Variants in PRH1 observed in about 807,000 individuals in gnomAD.
The protein encoded by PRH1 is proline rich protein HaeIII subfamily 1.
Under a neutral mutation model 7.9 loss-of-function variants are expected in PRH1, and 7 were observed. The observed-to-expected ratio is 0.89, with a 90% CI of 0.50 to 1.67. The LOEUF is 1.67. Ranked by LOEUF, PRH1 falls within the 40% of genes most tolerant of loss-of-function variation. PRH1 has a pLI of 0.00. For synonymous variants in PRH1, 45 were observed against 80.8 expected, an observed-to-expected ratio of 0.56 and a Z score of 2.38; for missense variants, 109 against 223.6, an observed-to-expected ratio of 0.49 and a Z score of 3.27.
chr12:11,013,780 A>G (rs1941164735), intron 1 of PRH1, among the ~76,000 whole-genome samples: 1 of 152,236 alleles, frequency 6.6e-6, no homozygotes, highest in South Asian at 2.1e-4. Context: ...CCTAAACTGG[A>G]GTGCAGTGGT....
intron 1 of PRH1, 120 bp downstream of exon 1, chr12:10,884,034 G>C: frequency 8.5e-7 from 1 of 1,178,098 alleles, no homozygotes; most frequent in Non-Finnish European, 1.2e-6. Context: ...TCCTCAGCAT[G>C]AGAACTCTGC....
At chr12:11,112,617 A>T (rs995572519) in intron 1 of PRH1, among the ~76,000 whole-genome samples, 3 of 152,216 alleles carry the variant, frequency 2.0e-5, no homozygotes, top group African/African-American at 7.2e-5. Context: ...TTCATGCTAA[A>T]AACACTCAAG....
intron 1 of PRH1, among the ~76,000 whole-genome samples, chr12:11,114,974 T>A (rs1251762670): frequency 2.0e-5 from 3 of 151,722 alleles, no homozygotes; most frequent in African/African-American, 7.3e-5. Context: ...AATAGGAAGG[T>A]AGGAAAGAAA....
intron 1 of PRH1, among the ~76,000 whole-genome samples, chr12:11,028,692 A>T (rs972587577): frequency 2.6e-5 from 4 of 152,132 alleles, no homozygotes; most frequent in African/African-American, 9.7e-5. Flanking sequence ...AAATAGACCA[A>T]AGTTGTTTAT....
intron 1 of PRH1, among the ~76,000 whole-genome samples, chr12:11,124,251 T>C (rs1463285765): frequency 6.6e-6 from 1 of 152,288 alleles, no homozygotes; most frequent in African/African-American, 2.4e-5. Flanking sequence ...TATGTCATTG[T>C]ATTCCATGAA....
At chr12:11,058,443 G>A (rs1943453219) in intron 1 of PRH1, among the ~76,000 whole-genome samples, 2 of 152,272 alleles carry the variant, frequency 1.3e-5, no homozygotes, top group South Asian at 4.1e-4. Context: ...TAAACGGCAT[G>A]TTGCTCTCTC....
rs138123076 is a variant in PRH1, at chr12:10,969,486, T to A, written c.-59+4169A>T. The stretch of plus-strand genomic sequence containing the variant: ...TTCTGTCTAGAATTTCCCAGCCTCC[T>A]GCTCCTATCACCTTCACATAGTATT... On this transcript the variant is annotated intron_variant, in intron 2 of 3. Coordinates refer to the PRH1 transcript ENST00000539853. 4.6e-3 allele frequency among the ~76,000 whole-genome samples: 703 copies of A among 152,316 alleles called. 5 individuals carry two copies. The highest frequency in any genetic ancestry group is 0.016 in the African/African-American group (678 of 41,580).
intron 2 of PRH1, among the ~76,000 whole-genome samples, chr12:10,936,531 C>CA (rs1199128784): frequency 6.6e-6 from 1 of 152,068 alleles, no homozygotes; most frequent in African/African-American, 2.4e-5. Context: ...ATAGTACCCC[C>CA]AAAACTTTCC....
intron 1 of PRH1, among the ~76,000 whole-genome samples, chr12:10,977,287 T>C (rs778689347): frequency 1.3e-5 from 2 of 152,150 alleles, no homozygotes; most frequent in Non-Finnish European, 2.9e-5. Flanking sequence ...GTGTGCTTCA[T>C]CACATAAGCA....
intron 1 of PRH1, among the ~76,000 whole-genome samples, chr12:10,989,410 C>A (rs961728194): frequency 6.6e-6 from 1 of 152,028 alleles, no homozygotes; most frequent in East Asian, 1.9e-4. Context: ...TCTAGTATGA[C>A]CATTCTTTCA....
chr12:10,973,590 C>A, intron 2 of PRH1: 1 of 742,688 alleles, frequency 1.3e-6, no homozygotes, highest in South Asian at 1.4e-5. Flanking sequence ...CTGTCTGATA[C>A]AGGCAGAAAC....
chr12:11,076,426 T>G (rs139689102), intron 1 of PRH1, among the ~76,000 whole-genome samples: 2,189 of 59,548 alleles, frequency 0.037, 12 homozygotes, highest in South Asian at 0.061. Flanking sequence ...TCTTTGGGAC[T>G]TTTTTTAAGA....
intron 1 of PRH1, chr12:11,061,307 T>C (rs546616630): frequency 6.5e-7 from 1 of 1,538,888 alleles, no homozygotes; most frequent in Non-Finnish European, 8.7e-7. Context: ...AAATATAAAA[T>C]GCTTCATATA....
chr12:11,038,220 G>A (rs1286360981), intron 1 of PRH1, among the ~76,000 whole-genome samples: 10 of 152,016 alleles, frequency 6.6e-5, no homozygotes, highest in Non-Finnish European at 1.5e-4. Context: ...ATTTTTTATT[G>A]TGGAGCATAA....
chr12:11,167,544 A>G (rs1947618248), intron 1 of PRH1, among the ~76,000 whole-genome samples: 1 of 150,644 alleles, frequency 6.6e-6, no homozygotes, highest in African/African-American at 2.4e-5. Flanking sequence ...TCCTGGGTTC[A>G]CACCATTCTC....
chr12:11,052,540 A>G (rs1394373195), intron 1 of PRH1, among the ~76,000 whole-genome samples: 1 of 152,116 alleles, frequency 6.6e-6, no homozygotes, highest in African/African-American at 2.4e-5. Flanking sequence ...ATATGCTGGG[A>G]TACATTTTCA....
chr12:11,140,590 A>G (rs1285998897), intron 1 of PRH1, among the ~76,000 whole-genome samples: 1 of 152,198 alleles, frequency 6.6e-6, no homozygotes, highest in African/African-American at 2.4e-5. Context: ...GGAAAACATG[A>G]TAATTTCCAA....
intron 1 of PRH1, among the ~76,000 whole-genome samples, chr12:11,164,602 T>C (rs1240758638): frequency 6.6e-6 from 1 of 152,200 alleles, no homozygotes; most frequent in Non-Finnish European, 1.5e-5. Context: ...TCTGGATTCC[T>C]GAAAGTAACC....
intron 2 of PRH1, among the ~76,000 whole-genome samples, chr12:10,920,056 A>G (rs1256454271): frequency 6.6e-6 from 1 of 151,778 alleles, no homozygotes; most frequent in African/African-American, 2.4e-5. Context: ...CACTATACCC[A>G]GCTACTTTTT....
Sources: allele counts gnomAD v4.1 joint callset (sites outside exome capture counted in the v4.1 genomes callset), GRCh38; gene constraint gnomAD v4.1.1; transcripts MANE v1.5; gene names NCBI Gene and HGNC (gene_info 2026-07-23, HGNC 2026-07-21).